The following TIAM2 variants were observed in gnomAD, a reference collection of about 807,000 sequenced individuals.
The protein encoded by TIAM2 is TIAM Rac1 associated GEF 2.
A neutral mutation model predicts 152.9 loss-of-function variants in TIAM2; 80 were observed. The observed-to-expected ratio is 0.52, with a 90% CI of 0.44 to 0.63. The LOEUF (loss-of-function observed/expected upper bound fraction) is 0.63. Ranked by LOEUF, TIAM2 falls within the 30% of genes least tolerant of loss-of-function variation. TIAM2 has a pLI of 0.00. For synonymous variants in TIAM2, 804 were observed against 838.0 expected, an observed-to-expected ratio of 0.96 and a Z score of 0.70; for missense variants, 1,965 against 2,120.1, an observed-to-expected ratio of 0.93 and a Z score of 1.44.
At chr6:155,061,964 A>G (rs551617879) in intron 1 of TIAM2, among the ~76,000 whole-genome samples, 7 of 152,104 alleles carry the variant, frequency 4.6e-5, no homozygotes, top group Non-Finnish European at 1.0e-4. Flanking sequence ...TCCTTTGTGT[A>G]GTTCCCTCAC....
intron 9 of TIAM2, among the ~76,000 whole-genome samples, chr6:155,168,671 CGT>C (rs1780501284): frequency 1.3e-5 from 2 of 152,038 alleles, no homozygotes; most frequent in Non-Finnish European, 2.9e-5. Context: ...AAAAGTAAAA[CGT>C]AACTATGCGG....
intron 2 of TIAM2, among the ~76,000 whole-genome samples, chr6:155,116,661 T>C (rs1779020132): frequency 6.6e-6 from 1 of 152,186 alleles, no homozygotes; most frequent in South Asian, 2.1e-4. Context: ...GCCTTTTACA[T>C]CCATGCAGGT....
chr6:155,065,114 C>T (rs1017941222), intron 1 of TIAM2, among the ~76,000 whole-genome samples: 17 of 152,002 alleles, frequency 1.1e-4, no homozygotes, highest in Non-Finnish European at 2.2e-4. Flanking sequence ...ACACCACGCC[C>T]GGCTGATTTT....
chr6:155,022,676 G>A (rs1776522343), intron 1 of TIAM2: 1 of 152,170 alleles, frequency 6.6e-6, no homozygotes, highest in Admixed American at 6.6e-5. Context: ...GCAACAGGGG[G>A]CCTGAGTTGT....
chr6:155,091,674 C>T (rs1778307737), intron 2 of TIAM2, among the ~76,000 whole-genome samples: 1 of 152,010 alleles, frequency 6.6e-6, no homozygotes, highest in Admixed American at 6.6e-5. Flanking sequence ...TTTTGGTAAG[C>T]TTTGTTTGTG....
chr6:155,129,424 C>CT lies in TIAM2; in HGVS notation c.204dup (p.Lys69Ter). On this transcript the variant is annotated frameshift_variant, in exon 4 of 27. Coordinates refer to ENST00000682666, the MANE Select transcript of TIAM2 (RefSeq NM_012454.4). LOFTEE classifies it high-confidence loss of function. This position sits in a 1 kb window ranked among gnomAD's most constrained non-coding sequence, Gnocchi z 4.8. ...CCCTGGCCCGAAGCTGCCTTTCTCA[C>CT]TTTAAGAGTAACCAGCCTTACGCAT... The CT allele has an allele frequency of 6.2e-7, 1 of 1,614,142 alleles. No homozygotes were observed. The highest frequency in any genetic ancestry group is 8.5e-7 in the Non-Finnish European group (1 of 1,180,022).
At chr6:155,102,611 T>A (rs1778576276) in intron 2 of TIAM2, among the ~76,000 whole-genome samples, 1 of 152,196 alleles carries the variant, frequency 6.6e-6, no homozygotes, top group East Asian at 1.9e-4. Context: ...CTTCTCTGGA[T>A]AGGAACAGAA....
At chr6:155,136,303 T>A (rs1240745925) in intron 4 of TIAM2, among the ~76,000 whole-genome samples, 1 of 151,852 alleles carries the variant, frequency 6.6e-6, no homozygotes, top group Admixed American at 6.6e-5. Context: ...AGATGGAGTT[T>A]CGCTCTTGTT....
At chr6:155,044,412 T>G (rs964150469) in intron 1 of TIAM2, among the ~76,000 whole-genome samples, 1 of 152,202 alleles carries the variant, frequency 6.6e-6, no homozygotes, top group African/African-American at 2.4e-5. Context: ...CTGGACTGTT[T>G]TTTATTCGTT....
At chr6:155,203,048 C>CAAAAAAAAAAAAAAAAAA (rs59836931) in intron 14 of TIAM2, among the ~76,000 whole-genome samples, 32 of 78,880 alleles carry the variant, frequency 4.1e-4, no homozygotes, top group African/African-American at 1.7e-3. Flanking sequence ...AACTCTGTCT[C>CAAAAAAAAAAAAAAAAAA]AAAAAAAAAA....
chr6:155,026,950 C>A (rs777450710), intron 1 of TIAM2, among the ~76,000 whole-genome samples: 11 of 152,120 alleles, frequency 7.2e-5, no homozygotes, highest in Non-Finnish European at 1.5e-4. Context: ...ACTTGAAATG[C>A]CACCTTTATG....
intron 2 of TIAM2, among the ~76,000 whole-genome samples, chr6:155,121,528 G>A (rs73794464): frequency 0.027 from 4,166 of 152,238 alleles, 193 homozygotes; most frequent in African/African-American, 0.093. Flanking sequence ...ACCCGAGTTC[G>A]CTGACACAAA....
chr6:155,016,521 T>A (rs1778588650), intron 1 of TIAM2, among the ~76,000 whole-genome samples: 1 of 151,758 alleles, frequency 6.6e-6, no homozygotes, highest in Non-Finnish European at 1.5e-5. Context: ...AAATGGTATT[T>A]ACATTTAAAT....
At chr6:154,999,828 G>A (rs1396654245) in intron 1 of TIAM2, among the ~76,000 whole-genome samples, 1 of 151,948 alleles carries the variant, frequency 6.6e-6, no homozygotes, top group Non-Finnish European at 1.5e-5. Flanking sequence ...ACAGGTACGT[G>A]CCACCATGCC....
At chr6:155,188,252 C>T (rs936598333) in intron 14 of TIAM2, among the ~76,000 whole-genome samples, 1 of 152,190 alleles carries the variant, frequency 6.6e-6, no homozygotes, top group African/African-American at 2.4e-5. Context: ...TTGGAAGACA[C>T]CATGTTCCAT....
chr6:155,250,497 C>T (rs1783587961), intron 21 of TIAM2: 3 of 1,506,442 alleles, frequency 2.0e-6, no homozygotes, highest in Non-Finnish European at 2.7e-6. Context: ...GAGATCAGTC[C>T]TTCACTCTGG....
At chr6:155,200,091 C>T (rs1781442495) in intron 14 of TIAM2, among the ~76,000 whole-genome samples, 1 of 152,066 alleles carries the variant, frequency 6.6e-6, no homozygotes, top group Admixed American at 6.5e-5. Flanking sequence ...TATTAATATA[C>T]ATAGAGTAAA....
intron 1 of TIAM2, among the ~76,000 whole-genome samples, chr6:155,019,067 G>A (rs2114861413): frequency 6.6e-6 from 1 of 150,610 alleles, no homozygotes; most frequent in Admixed American, 6.6e-5. Flanking sequence ...TGGGCACAGT[G>A]GCTCATGCCT....
chr6:155,236,768 A>G (rs1054566673), intron 15 of TIAM2, among the ~76,000 whole-genome samples: 7 of 152,154 alleles, frequency 4.6e-5, no homozygotes, highest in South Asian at 2.1e-4. Context: ...ATCTTGTGAG[A>G]TCTATTCACT....
Sources: gnomAD v4.1 joint callset for allele counts (sites outside exome capture counted in the v4.1 genomes callset) on GRCh38, gnomAD v4.1.1 for gene constraint, Gnocchi (gnomAD v3.1) non-coding constraint, MANE v1.5 for transcripts, NCBI Gene and HGNC (gene_info 2026-07-23, HGNC 2026-07-21) for gene names.